DIS3L2: variants seen among roughly 807,000 people sequenced by gnomAD.
DIS3L2 encodes the protein DIS3 like 3'-5' exoribonuclease 2.
A neutral mutation model predicts 97.5 loss-of-function variants in DIS3L2; 34 were observed. That is an observed-to-expected ratio of 0.35 (90% confidence interval 0.27 to 0.46). DIS3L2 has a LOEUF of 0.46. Ranked by LOEUF, DIS3L2 falls within the 20% of genes least tolerant of loss-of-function variation. The probability of loss-of-function intolerance (pLI) is 1.00; values close to 1 mark genes in which losing one functional copy is unlikely to be tolerated. For synonymous variants in DIS3L2, 435 were observed against 445.2 expected (o/e 0.98, Z 0.29); for missense variants, 1,038 against 1,146.0 (o/e 0.91, Z 1.36).
At chr2:232,324,811 T>C (rs1331388654) in intron 14 of DIS3L2, among the ~76,000 whole-genome samples, 2 of 152,202 alleles carry the variant, frequency 1.3e-5, no homozygotes, top group Non-Finnish European at 2.9e-5. Context: ...GCTTCCCTGT[T>C]TTACAGGGAA....
intron 6 of DIS3L2, among the ~76,000 whole-genome samples, chr2:232,107,534 A>G (rs982982383): frequency 1.3e-5 from 2 of 152,102 alleles, no homozygotes; most frequent in African/African-American, 4.8e-5. Context: ...CCCCGTCTCT[A>G]CTAAAAATAC....
At position 232,281,801 on chromosome 2, in the gene DIS3L2, G is replaced by A. The variant is rs1694293619; in HGVS notation, c.1660-18239G>A. Among the ~76,000 whole-genome samples the A allele has an allele frequency of 2.0e-5, 3 of 152,286 alleles. No individual in the cohort carries two copies. The South Asian group carries it at 6.2e-4, about 32-fold the overall frequency. ...GTGCGTGAGCTGCCCACTTAAAGAC[G>A]CTTGCCAGGTGGCTGGACCGGAAGT... On this transcript the variant is annotated intron_variant, in intron 13 of 20. Coordinates refer to ENST00000325385, the MANE Select transcript of DIS3L2 (RefSeq NM_152383.5). This position sits in a 1 kb window ranked among gnomAD's most constrained non-coding sequence, Gnocchi z 4.1.
downstream of DIS3L2, among the ~76,000 whole-genome samples, chr2:232,339,903 C>T (rs972474521): frequency 1.3e-5 from 2 of 152,094 alleles, no homozygotes; most frequent in African/African-American, 4.8e-5. Context: ...TTGAGTTGGG[C>T]CTTAGAAGGA....
intron 6 of DIS3L2, among the ~76,000 whole-genome samples, chr2:232,106,872 C>G (rs533795822): frequency 1.9e-4 from 29 of 152,182 alleles, no homozygotes; most frequent in Non-Finnish European, 3.4e-4. Flanking sequence ...CACTCCTCAG[C>G]AAATGCAAAA....
intron 1 of DIS3L2, among the ~76,000 whole-genome samples, chr2:232,011,740 C>G (rs1347040654): frequency 6.6e-6 from 1 of 152,134 alleles, no homozygotes; most frequent in Non-Finnish European, 1.5e-5. Context: ...ACCTCTGCCT[C>G]CTGGGTTCAA....
chr2:232,299,552 G>C (rs536951124), intron 13 of DIS3L2, among the ~76,000 whole-genome samples: 11 of 152,268 alleles, frequency 7.2e-5, no homozygotes, highest in South Asian at 2.1e-4. Flanking sequence ...TCCTCCTCCT[G>C]ATTCAGAGGA....
At chr2:231,980,030 T>C (rs1693208232) in intron 1 of DIS3L2, among the ~76,000 whole-genome samples, 1 of 152,212 alleles carries the variant, frequency 6.6e-6, no homozygotes, top group Non-Finnish European at 1.5e-5. Context: ...CTTCTAATGA[T>C]GTCTTTGCCA....
intron 12 of DIS3L2, among the ~76,000 whole-genome samples, chr2:232,251,519 A>G (rs914912764): frequency 6.6e-6 from 1 of 152,240 alleles, no homozygotes; most frequent in Non-Finnish European, 1.5e-5. Flanking sequence ...ATAGAGAACA[A>G]AGTAAACAGA....
chr2:232,184,342 AAG>A (rs1691375079), intron 9 of DIS3L2, among the ~76,000 whole-genome samples: 1 of 152,192 alleles, frequency 6.6e-6, no homozygotes, highest in Non-Finnish European at 1.5e-5. Flanking sequence ...GAAAGAGTGA[AAG>A]GAAGATAGAA....
At chr2:232,267,119 A>G (rs1351308102) in intron 13 of DIS3L2, among the ~76,000 whole-genome samples, 1 of 152,180 alleles carries the variant, frequency 6.6e-6, no homozygotes, top group Non-Finnish European at 1.5e-5. Flanking sequence ...TGCCTAACCC[A>G]TGTCTGAGTT....
At chr2:232,066,407 T>C (rs1014208189) in intron 5 of DIS3L2, among the ~76,000 whole-genome samples, 1 of 152,022 alleles carries the variant, frequency 6.6e-6, no homozygotes, top group Non-Finnish European at 1.5e-5. Flanking sequence ...CCTGTTAACA[T>C]GTTGAATTAC....
In DIS3L2 at chr2:232,249,213, C is replaced by T. The variant is rs141864814; in HGVS notation, c.1318-26C>T. On this transcript the variant is annotated intron_variant, in intron 11 of 20. Coordinates refer to ENST00000325385, the MANE Select transcript of DIS3L2 (RefSeq NM_152383.5). Reference sequence around the variant, plus strand: ...CTCCTAAGCGGGTTGGAGAAAGGTGCTCATGGGCCTGTGCTCTATTTACAG... The same window carrying T: ...CTCCTAAGCGGGTTGGAGAAAGGTGTTCATGGGCCTGTGCTCTATTTACAG... 6.7e-5 allele frequency: 108 copies of T among 1,610,570 alleles called. No individual in the cohort carries two copies. The African/African-American group carries it at 1.2e-3, about 18-fold the overall frequency.
At position 232,249,317 on chromosome 2, in the gene DIS3L2, G is replaced by T. The variant is rs774687794; in HGVS notation, c.1396G>T (p.Val466Leu). Residue 466 changes from valine to leucine, a missense_variant, in exon 12 of 21, where the codon GTG becomes TTG. This residue lies in a region of DIS3L2 where 813 missense variants were observed against 880.1 expected (regional missense o/e 0.92). Transcript: ENST00000325385. ...NPMSDKLTFSVIWTLTPEGKI... is the reference protein window; with the variant it reads ...NPMSDKLTFSLIWTLTPEGKI... ...CATGTCCGACAAGCTGACCTTCTCT[G>T]TGATCTGGACACTGACTCCAGAGGG... 1 of 1,614,214 alleles carries T rather than the reference G, an allele frequency of 6.2e-7. No individual in the cohort carries two copies. Among genetic ancestry groups the T allele is most frequent in the Non-Finnish European group, 8.5e-7 (1 of 1,180,026 alleles).
chr2:232,272,759 G>A (rs1694039043), intron 13 of DIS3L2, among the ~76,000 whole-genome samples: 1 of 152,176 alleles, frequency 6.6e-6, no homozygotes, highest in Non-Finnish European at 1.5e-5. Context: ...AGAGAACCAT[G>A]TCCTCTATCA....
chr2:232,296,382 G>C (rs1694726193), intron 13 of DIS3L2, among the ~76,000 whole-genome samples: 1 of 152,200 alleles, frequency 6.6e-6, no homozygotes, highest in South Asian at 2.1e-4. Context: ...AAAGGAAATA[G>C]CAATACCTAA....
intron 20 of DIS3L2, chr2:232,336,140 G>A: frequency 6.5e-6 from 10 of 1,535,838 alleles, no homozygotes; most frequent in Non-Finnish European, 8.8e-6. Flanking sequence ...TGGCCTTCTA[G>A]GGTCCTTTAG....
chr2:231,961,898 GTCTTCCGCC>G (rs1692566217), intron 1 of DIS3L2, 133 bp downstream of exon 1: 1 of 152,598 alleles, frequency 6.6e-6, no homozygotes, highest in South Asian at 2.1e-4. Flanking sequence ...CGGGACGAGC[GTCTTCCGCC>G]TCTGGCGTTG....
intron 5 of DIS3L2, among the ~76,000 whole-genome samples, chr2:232,050,848 T>A (rs1695381416): frequency 6.6e-6 from 1 of 152,198 alleles, no homozygotes; most frequent in African/African-American, 2.4e-5. Flanking sequence ...GAGAGCCACA[T>A]TGCTGTGTGA....
At chr2:232,215,387 A>G (rs1692305401) in intron 10 of DIS3L2, among the ~76,000 whole-genome samples, 1 of 152,166 alleles carries the variant, frequency 6.6e-6, no homozygotes, top group Admixed American at 6.5e-5. Flanking sequence ...CTATCTGCAT[A>G]GAAAATATTT....
Sources: gnomAD v4.1 joint callset for allele counts (sites outside exome capture counted in the v4.1 genomes callset) on GRCh38, gnomAD v4.1.1 for gene constraint, gnomAD v4.1.1 regional missense constraint, Gnocchi (gnomAD v3.1) non-coding constraint, MANE v1.5 for transcripts, NCBI Gene and HGNC (gene_info 2026-07-23, HGNC 2026-07-21) for gene names.